CD247: variants seen among roughly 807,000 people sequenced by gnomAD.
CD247 encodes CD247 molecule.
In CD247, 13 loss-of-function variants were observed where a neutral mutation model predicts 30.0. The ratio of observed to expected loss-of-function variants is 0.43; its 90% CI spans 0.28 to 0.69. The LOEUF is 0.69. CD247 is among the 30% of genes least tolerant of loss of function. The probability of loss-of-function intolerance (pLI) is 0.16; values close to 1 mark genes in which losing one functional copy is unlikely to be tolerated. For synonymous variants in CD247, 72 were observed against 80.0 expected (o/e 0.90, Z 0.53); for missense variants, 193 against 212.6 (o/e 0.91, Z 0.57).
intron 1 of CD247, among the ~76,000 whole-genome samples, chr1:167,474,819 C>T (rs1461993660): frequency 7.0e-6 from 1 of 143,382 alleles, no homozygotes; most frequent in African/African-American, 2.6e-5. Context: ...GTGGTACGAT[C>T]TCCACTCACT....
intron 1 of CD247, among the ~76,000 whole-genome samples, chr1:167,465,376 G>C (rs1571551071): frequency 7.5e-6 from 1 of 132,810 alleles, no homozygotes. Flanking sequence ...TGCCCAGGCT[G>C]CTGGAGTGCA....
chr1:167,448,485 G>A (rs897198147), intron 1 of CD247: 12 of 985,248 alleles, frequency 1.2e-5, no homozygotes, highest in African/African-American at 7.0e-5. Context: ...CTGAGAGGCC[G>A]GCCTGGGGGG....
intron 4 of CD247, 90 bp downstream of exon 4, chr1:167,438,480 T>A (rs113652489): frequency 9.9e-7 from 1 of 1,009,044 alleles, no homozygotes; most frequent in Admixed American, 1.7e-5. Context: ...CGAGTCTGGT[T>A]GCAGAGTGAG....
chr1:167,489,232 A>G (rs1654339603), intron 1 of CD247, among the ~76,000 whole-genome samples: 1 of 152,214 alleles, frequency 6.6e-6, no homozygotes, highest in South Asian at 2.1e-4. Context: ...AGGTTCTTAT[A>G]TGATAATTTA....
intron 1 of CD247, among the ~76,000 whole-genome samples, chr1:167,484,779 A>G (rs1008149087): frequency 6.6e-6 from 1 of 152,182 alleles, no homozygotes; most frequent in African/African-American, 2.4e-5. Flanking sequence ...CTGTCTCAAA[A>G]ACAAAACAAA....
In CD247 at chr1:167,431,307, T is replaced by A. The variant is rs1225712175; in HGVS notation, c.*374A>T. The A allele has an allele frequency of 1.7e-6, 1 of 579,940 alleles. No individual in the cohort carries two copies. Among genetic ancestry groups the A allele is most frequent in the East Asian group, 2.8e-5 (1 of 36,068 alleles). 35.9% of individuals were successfully genotyped at this position (579,940 alleles called of 1,614,324 possible). ...CTCAGACACAGAGTGATACAGACAT[T>A]AGGGCATGTGCTAGCATCTGCGCTT... On this transcript the variant is annotated 3_prime_UTR_variant, in exon 8 of 8. Transcript: ENST00000362089.
chr1:167,449,794 G>A (rs1181491653), intron 1 of CD247, among the ~76,000 whole-genome samples: 4 of 152,020 alleles, frequency 2.6e-5, no homozygotes, highest in Admixed American at 6.5e-5. Context: ...ATGGTGGCAC[G>A]TGCCTATAAT....
intron 1 of CD247, among the ~76,000 whole-genome samples, chr1:167,495,532 C>A (rs1286537657): frequency 6.6e-6 from 1 of 152,326 alleles, no homozygotes; most frequent in Non-Finnish European, 1.5e-5. Flanking sequence ...TATTCCCCCT[C>A]AGCATGTTCC....
intron 1 of CD247, among the ~76,000 whole-genome samples, chr1:167,489,767 C>T (rs1049864461): frequency 6.6e-6 from 1 of 152,328 alleles, no homozygotes; most frequent in East Asian, 1.9e-4. Context: ...AGGGCAGCCC[C>T]CTCCTGGGCT....
chr1:167,454,880 C>T (rs1189869298), intron 1 of CD247, among the ~76,000 whole-genome samples: 1 of 152,244 alleles, frequency 6.6e-6, no homozygotes, highest in East Asian at 1.9e-4. Flanking sequence ...TGGTCGCCCT[C>T]GCTCTGGGAT....
intron 1 of CD247, among the ~76,000 whole-genome samples, chr1:167,445,771 C>G (rs114889193): frequency 0.012 from 1,857 of 152,272 alleles, 37 homozygotes; most frequent in African/African-American, 0.043. Context: ...CCTGCCATAC[C>G]CTGAGGCTGA....
intron 1 of CD247, among the ~76,000 whole-genome samples, chr1:167,463,201 T>C (rs1438787490): frequency 6.6e-6 from 1 of 152,190 alleles, no homozygotes; most frequent in Non-Finnish European, 1.5e-5. Context: ...GTGCAGGAAT[T>C]GTCCAGGGAA....
chr1:167,474,206 C>T (rs1465211631), intron 1 of CD247, among the ~76,000 whole-genome samples: 1 of 152,080 alleles, frequency 6.6e-6, no homozygotes, highest in East Asian at 1.9e-4. Flanking sequence ...GGCTCTGAGT[C>T]TGGGGGTGGG....
At chr1:167,474,630 C>A (rs1308991479) in intron 1 of CD247, among the ~76,000 whole-genome samples, 1 of 152,070 alleles carries the variant, frequency 6.6e-6, no homozygotes, top group Non-Finnish European at 1.5e-5. Flanking sequence ...GCACAGACAC[C>A]AGCGAAGACT....
intron 1 of CD247, among the ~76,000 whole-genome samples, chr1:167,497,932 T>C (rs1654758611): frequency 6.6e-6 from 1 of 152,208 alleles, no homozygotes; most frequent in Non-Finnish European, 1.5e-5. Context: ...AGAAAAAAGA[T>C]GCCAAAAAAG....
intron 1 of CD247, among the ~76,000 whole-genome samples, chr1:167,483,837 TGAGTCCAAGAAG>T (rs1654080375): frequency 6.6e-6 from 1 of 152,252 alleles, no homozygotes; most frequent in South Asian, 2.1e-4. Flanking sequence ...GGGCATGCAC[TGAGTCCAAGAAG>T]GGGTTCCCCT....
intron 1 of CD247, among the ~76,000 whole-genome samples, chr1:167,497,469 C>G (rs1654737873): frequency 6.6e-6 from 1 of 152,066 alleles, no homozygotes. Flanking sequence ...GACTACAGGT[C>G]CTCTTTCGCT....
chr1:167,487,471 G>A (rs1654262192), intron 1 of CD247, among the ~76,000 whole-genome samples: 2 of 152,206 alleles, frequency 1.3e-5, no homozygotes, highest in South Asian at 4.1e-4. Flanking sequence ...GGCATCCCTG[G>A]ACCCACACTG....
Position 167,433,055 on chromosome 1 carries a change from C to T in CD247, c.398G>A (p.Arg133Gln), listed in dbSNP as rs147527561. The change falls in exon 7 of 8, where the codon CGG becomes CAG. Residue 133 changes from arginine to glutamine, a missense_variant. Transcript: ENST00000362089. ...AAGGCCATCGTGCCCCTTGCCCCTC[C>T]GGCGCTGGTTGTTTGGGAGTGAAAT... ...YSEIGMKGER[R>Q]RGKGHDGLYQ... 5.8e-5 allele frequency: 94 copies of T among 1,614,196 alleles called. No homozygotes were observed. The highest frequency in any genetic ancestry group is 3.1e-4 in the East Asian group (14 of 44,884).
Sources: gnomAD v4.1 joint callset for allele counts (sites outside exome capture counted in the v4.1 genomes callset) on GRCh38, gnomAD v4.1.1 for gene constraint, MANE v1.5 for transcripts, NCBI Gene and HGNC (gene_info 2026-07-23, HGNC 2026-07-21) for gene names.